The following MTHFD2L variants were observed in gnomAD, a reference collection of about 807,000 sequenced individuals.
The protein encoded by MTHFD2L is bifunctional methylenetetrahydrofolate dehydrogenase/cyclohydrolase 2, mitochondrial.
A neutral mutation model predicts 34.9 loss-of-function variants in MTHFD2L; 29 were observed. The observed-to-expected ratio is 0.83, with a 90% CI of 0.62 to 1.13. The LOEUF (loss-of-function observed/expected upper bound fraction) is 1.13, where lower values mean the gene tolerates loss of function less well. MTHFD2L is among the 50% of genes most tolerant of loss of function. The pLI, the probability that MTHFD2L is intolerant of heterozygous loss-of-function variation, is 0.00. For missense variants in MTHFD2L, 481 were observed against 446.5 expected (o/e 1.08, Z -0.70); for synonymous variants, 167 against 155.7 (o/e 1.07, Z -0.54).
chr4:74,121,258 A>G (rs1721748289), upstream of MTHFD2L, among the ~76,000 whole-genome samples: 1 of 152,166 alleles, frequency 6.6e-6, no homozygotes, highest in Non-Finnish European at 1.5e-5. Flanking sequence ...AAGAGGATCA[A>G]CTGCTTGAGA....
chr4:74,173,513 G>C (rs1277202149), intron 1 of MTHFD2L, among the ~76,000 whole-genome samples: 2 of 152,204 alleles, frequency 1.3e-5, no homozygotes, highest in African/African-American at 2.4e-5. Context: ...GTTGTCCGGG[G>C]CCATGCCTGG....
intron 3 of MTHFD2L, among the ~76,000 whole-genome samples, chr4:74,177,180 C>T (rs922922875): frequency 1.3e-5 from 2 of 151,838 alleles, no homozygotes; most frequent in Admixed American, 1.3e-4. Flanking sequence ...AAATTCAACA[C>T]GTGCAGCACT....
At chr4:74,263,794 A>G (rs1012854825) in intron 6 of MTHFD2L, among the ~76,000 whole-genome samples, 2 of 151,982 alleles carry the variant, frequency 1.3e-5, no homozygotes, top group East Asian at 1.9e-4. Context: ...TTGACTTCCT[A>G]TTTAGATGCC....
At chr4:74,251,989 G>T (rs923077002) in intron 6 of MTHFD2L, among the ~76,000 whole-genome samples, 1 of 152,216 alleles carries the variant, frequency 6.6e-6, no homozygotes, top group Non-Finnish European at 1.5e-5. Context: ...GGCAAGGTGG[G>T]TGATGGGACC....
At chr4:74,202,919 C>T (rs1296495820) in intron 5 of MTHFD2L, among the ~76,000 whole-genome samples, 1 of 152,032 alleles carries the variant, frequency 6.6e-6, no homozygotes, top group Admixed American at 6.6e-5. Context: ...ATATAGATTT[C>T]TTATTATTAA....
chr4:74,168,242 T>G (rs565591877), intron 1 of MTHFD2L, among the ~76,000 whole-genome samples: 1 of 152,222 alleles, frequency 6.6e-6, no homozygotes, highest in Non-Finnish European at 1.5e-5. Flanking sequence ...CTTCTCTGAC[T>G]TCATGTCTTA....
intron 1 of MTHFD2L, among the ~76,000 whole-genome samples, chr4:74,140,840 G>C: frequency 6.6e-6 from 1 of 152,184 alleles, no homozygotes; most frequent in East Asian, 1.9e-4. Context: ...ACTATCATGA[G>C]AACAGGATGG....
chr4:74,239,427 T>C (rs765066130), intron 6 of MTHFD2L, among the ~76,000 whole-genome samples: 2 of 151,758 alleles, frequency 1.3e-5, no homozygotes, highest in East Asian at 3.9e-4. Context: ...AAATGGCCCA[T>C]GTATACCTAT....
chr4:74,245,058 C>T (rs925828848), intron 6 of MTHFD2L, among the ~76,000 whole-genome samples: 4 of 151,564 alleles, frequency 2.6e-5, no homozygotes, highest in East Asian at 1.9e-4. Flanking sequence ...AGCGAGGCGT[C>T]GTGGCAGGCG....
chr4:74,286,006 G>T (rs1189030731), intron 7 of MTHFD2L, among the ~76,000 whole-genome samples: 4 of 152,164 alleles, frequency 2.6e-5, no homozygotes, highest in Non-Finnish European at 5.9e-5. Context: ...ATACATTGAA[G>T]TTAGGCCTTT....
chr4:74,144,243 A>C (rs1723450655), intron 1 of MTHFD2L, among the ~76,000 whole-genome samples: 1 of 152,182 alleles, frequency 6.6e-6, no homozygotes, highest in Non-Finnish European at 1.5e-5. Context: ...ACCTGAGGTC[A>C]GGAGTTCGAG....
chr4:74,293,893 C>G (rs1353756326), intron 7 of MTHFD2L, among the ~76,000 whole-genome samples: 1 of 152,184 alleles, frequency 6.6e-6, no homozygotes, highest in Non-Finnish European at 1.5e-5. Flanking sequence ...GAAAATACTT[C>G]AAGCATTTAA....
intron 3 of MTHFD2L, among the ~76,000 whole-genome samples, chr4:74,186,073 C>T (rs1250757473): frequency 6.6e-6 from 1 of 152,054 alleles, no homozygotes; most frequent in African/African-American, 2.4e-5. Flanking sequence ...TACAATTTAA[C>T]ATTAGAACAG....
chr4:74,300,153 G>A (rs1408527643), intron 7 of MTHFD2L, among the ~76,000 whole-genome samples: 1 of 152,006 alleles, frequency 6.6e-6, no homozygotes, highest in African/African-American at 2.4e-5. Context: ...TCTGTATAGA[G>A]ACGCTGTTTG....
At chr4:74,287,018 A>G (rs753658850) in intron 7 of MTHFD2L, among the ~76,000 whole-genome samples, 6 of 152,210 alleles carry the variant, frequency 3.9e-5, no homozygotes, top group Admixed American at 2.6e-4. Flanking sequence ...TCTTAACATA[A>G]TTGGATAGTA....
intron 1 of MTHFD2L, among the ~76,000 whole-genome samples, chr4:74,166,775 A>C (rs982318168): frequency 2.0e-5 from 3 of 152,200 alleles, no homozygotes; most frequent in Non-Finnish European, 2.9e-5. Flanking sequence ...GGCATCAGGT[A>C]GAAACTCATG....
chr4:74,210,127 C>T (rs1175795741), intron 5 of MTHFD2L, among the ~76,000 whole-genome samples: 6 of 152,230 alleles, frequency 3.9e-5, no homozygotes, highest in East Asian at 3.9e-4. Flanking sequence ...AATTTTTTCT[C>T]CCATTCTGTA....
rs1750474180 is a variant in MTHFD2L at position 74,302,885 on chromosome 4, A to C, written c.*1076A>C. On this transcript the variant is annotated 3_prime_UTR_variant, in exon 8 of 8. Coordinates refer to ENST00000325278, the MANE Select transcript of MTHFD2L (RefSeq NM_001144978.3). The stretch of plus-strand genomic sequence containing the variant: ...TAACACAATTTAAATTAGGAAATAT[A>C]TATGAATGTCGTTGAAGTCTATTTT... The C allele has an allele frequency of 6.6e-6, 1 of 152,140 alleles. No homozygotes were observed. Among genetic ancestry groups the C allele is most frequent in the Admixed American group, 6.6e-5 (1 of 15,256 alleles). The allele number at this position is 152,140 out of a possible 1,614,324, so 9.4% of individuals were successfully genotyped here.
At chr4:74,255,676 A>C (rs1271357448) in intron 6 of MTHFD2L, among the ~76,000 whole-genome samples, 1 of 152,100 alleles carries the variant, frequency 6.6e-6, no homozygotes, top group Non-Finnish European at 1.5e-5. Context: ...TCCAGTGTCT[A>C]CTGTTGCCAT....
Sources: gnomAD v4.1 joint callset for allele counts (sites outside exome capture counted in the v4.1 genomes callset) on GRCh38, gnomAD v4.1.1 for gene constraint, MANE v1.5 for transcripts, NCBI Gene and HGNC (gene_info 2026-07-23, HGNC 2026-07-21) for gene names.